The following ERC2 variants were observed in gnomAD, a reference collection of about 807,000 sequenced individuals.
ERC2 encodes the protein ELKS/RAB6-interacting/CAST family member 2, also known as ERC protein 2.
A neutral mutation model predicts 114.8 loss-of-function variants in ERC2; 42 were observed. That is an observed-to-expected ratio of 0.37 (90% CI 0.29 to 0.47). The LOEUF (loss-of-function observed/expected upper bound fraction) is 0.47. ERC2 is among the 20% of genes least tolerant of loss of function. The pLI, the probability that ERC2 is intolerant of heterozygous loss-of-function variation, is 0.99. For missense variants in ERC2, 939 were observed against 1,150.7 expected (o/e 0.82, Z 2.66); for synonymous variants, 454 against 425.5 (o/e 1.07, Z -0.82).
At chr3:56,127,157 T>C (rs557894868) in intron 6 of ERC2, among the ~76,000 whole-genome samples, 6 of 152,244 alleles carry the variant, frequency 3.9e-5, no homozygotes, top group East Asian at 3.9e-4. Context: ...AAAACATTGC[T>C]GAAAGAAACT....
At chr3:55,733,635 G>A (rs2065441818) in intron 15 of ERC2, among the ~76,000 whole-genome samples, 2 of 151,366 alleles carry the variant, frequency 1.3e-5, no homozygotes, top group South Asian at 4.2e-4. Flanking sequence ...CATGAGAAAT[G>A]AACTCTGGTG....
chr3:55,725,176 A>C (rs1315015632), intron 15 of ERC2, among the ~76,000 whole-genome samples: 1 of 152,184 alleles, frequency 6.6e-6, no homozygotes, highest in Non-Finnish European at 1.5e-5. Flanking sequence ...AAAGTTGGCA[A>C]ATCACTCTGA....
chr3:56,313,033 T>TATATATATAC (rs2056679702), intron 2 of ERC2, among the ~76,000 whole-genome samples: 1 of 134,172 alleles, frequency 7.5e-6, no homozygotes, highest in Non-Finnish European at 1.6e-5. Flanking sequence ...TATATATATA[T>TATATATATAC]ATATGGGGTG....
intron 14 of ERC2, among the ~76,000 whole-genome samples, chr3:55,742,237 C>T (rs1334657914): frequency 6.6e-6 from 1 of 152,142 alleles, no homozygotes; most frequent in Non-Finnish European, 1.5e-5. Context: ...GATGGTAATA[C>T]ATGGCTACCT....
chr3:55,920,149 A>G (rs564536116), intron 13 of ERC2, among the ~76,000 whole-genome samples: 1 of 152,238 alleles, frequency 6.6e-6, no homozygotes, highest in South Asian at 2.1e-4. Flanking sequence ...ATGGAGATAC[A>G]TGGAATCAGG....
At position 56,207,586 on chromosome 3, in the gene ERC2, T is replaced by A. The variant is rs568658490; in HGVS notation, c.1075-34066A>T. On this transcript the variant is annotated intron_variant, in intron 3 of 17. Coordinates refer to ENST00000288221, the MANE Select transcript of ERC2 (RefSeq NM_015576.3). ...CATCTCACAGGCTTAAAGATAATTATCATTGTGATTCTTTACTATCATTTA... is the reference window on the plus strand; with the variant it reads ...CATCTCACAGGCTTAAAGATAATTAACATTGTGATTCTTTACTATCATTTA... Among the ~76,000 whole-genome samples, 25 of 152,296 alleles carry A rather than the reference T, an allele frequency of 1.6e-4. No individual in the cohort carries two copies. The South Asian group carries it at 5.2e-3, about 32-fold the overall frequency.
At chr3:55,808,088 A>C (rs73834022) in intron 14 of ERC2, among the ~76,000 whole-genome samples, 1 of 152,230 alleles carries the variant, frequency 6.6e-6, no homozygotes, top group South Asian at 2.1e-4. Flanking sequence ...CTAATAAATC[A>C]TCTAAGTCTG....
At chr3:55,763,451 G>C (rs2067576389) in intron 14 of ERC2, among the ~76,000 whole-genome samples, 1 of 152,196 alleles carries the variant, frequency 6.6e-6, no homozygotes, top group Non-Finnish European at 1.5e-5. Flanking sequence ...GCATTGGTGA[G>C]ATAGATGCAT....
intron 14 of ERC2, among the ~76,000 whole-genome samples, chr3:55,839,481 A>G (rs1190560933): frequency 6.6e-6 from 1 of 151,918 alleles, no homozygotes; most frequent in African/African-American, 2.4e-5. Flanking sequence ...TTTAAAACAA[A>G]CCTAATAAAA....
At chr3:56,428,915 G>A (rs1299679988) in intron 2 of ERC2, among the ~76,000 whole-genome samples, 6 of 152,306 alleles carry the variant, frequency 3.9e-5, no homozygotes, top group Admixed American at 6.5e-5. Flanking sequence ...TACAATCTCC[G>A]AGTGTGTGGT....
chr3:56,380,108 C>T (rs1280413221), intron 2 of ERC2, among the ~76,000 whole-genome samples: 1 of 152,104 alleles, frequency 6.6e-6, no homozygotes, highest in Non-Finnish European at 1.5e-5. Context: ...TGGCCATTGT[C>T]AAATATTCCC....
At chr3:56,403,332 T>C (rs753503683) in intron 2 of ERC2, among the ~76,000 whole-genome samples, 10 of 152,188 alleles carry the variant, frequency 6.6e-5, no homozygotes, top group Admixed American at 4.6e-4. Context: ...TCCAATACAG[T>C]AGACACTAGC....
intron 14 of ERC2, among the ~76,000 whole-genome samples, chr3:55,749,990 G>A (rs1354519628): frequency 1.3e-5 from 2 of 152,166 alleles, no homozygotes; most frequent in Non-Finnish European, 2.9e-5. Flanking sequence ...ATATCTTTAA[G>A]GATGACTGCA....
At chr3:56,095,751 G>A (rs1047318200) in intron 6 of ERC2, among the ~76,000 whole-genome samples, 2 of 152,110 alleles carry the variant, frequency 1.3e-5, no homozygotes, top group East Asian at 3.9e-4. Context: ...TTAATTGATT[G>A]CCTGCATTTC....
intron 2 of ERC2, among the ~76,000 whole-genome samples, chr3:56,424,026 G>A (rs2061479461): frequency 6.6e-6 from 1 of 152,164 alleles, no homozygotes; most frequent in Non-Finnish European, 1.5e-5. Flanking sequence ...GGCCAGAATA[G>A]GCCACATTCA....
At chr3:56,351,024 C>T (rs568111818) in intron 2 of ERC2, among the ~76,000 whole-genome samples, 23 of 152,184 alleles carry the variant, frequency 1.5e-4, no homozygotes, top group Non-Finnish European at 2.8e-4. Flanking sequence ...ACTTCAGGTC[C>T]GCCTAGTTCC....
chr3:55,832,948 C>A (rs1042825759), intron 14 of ERC2, among the ~76,000 whole-genome samples: 2 of 151,850 alleles, frequency 1.3e-5, no homozygotes, highest in African/African-American at 2.4e-5. Flanking sequence ...GGCTCGAGAA[C>A]TACATGAAGA....
chr3:55,954,081 T>TA (rs58512381), intron 12 of ERC2, among the ~76,000 whole-genome samples: 3,770 of 50,236 alleles, frequency 0.075, 204 homozygotes, highest in Non-Finnish European at 0.11. Context: ...CTCCATTATT[T>TA]AAAAAAAAAA....
intron 3 of ERC2, among the ~76,000 whole-genome samples, chr3:56,217,714 C>T (rs568625225): frequency 6.6e-6 from 1 of 152,126 alleles, no homozygotes; most frequent in Non-Finnish European, 1.5e-5. Context: ...AAGCTGGAGG[C>T]ATCACGCTAC....
Sources: allele counts gnomAD v4.1 joint callset (sites outside exome capture counted in the v4.1 genomes callset), GRCh38; gene constraint gnomAD v4.1.1; transcripts MANE v1.5; gene names NCBI Gene and HGNC (gene_info 2026-07-23, HGNC 2026-07-21).